Variants in SMIM31 observed in about 807,000 individuals in gnomAD.
SMIM31 encodes the protein small integral membrane protein 31.
At chr4:164,770,090 G>A (rs1207311084) in intron 1 of SMIM31, among the ~76,000 whole-genome samples, 4 of 152,136 alleles carry the variant, frequency 2.6e-5, no homozygotes, top group Non-Finnish European at 4.4e-5. Context: ...GCCTGGCCCC[G>A]TTTAAGTGCT....
At chr4:164,780,900 T>C (rs1732941112) in intron 2 of SMIM31, among the ~76,000 whole-genome samples, 1 of 152,142 alleles carries the variant, frequency 6.6e-6, no homozygotes, top group African/African-American at 2.4e-5. Context: ...AGCCTCAAAC[T>C]CCTGGGCTAA....
In SMIM31 at chr4:164,802,743, T is replaced by C. The variant is rs1324975715; in HGVS notation, c.*1549T>C. On this transcript the variant is annotated 3_prime_UTR_variant, in exon 3 of 3. Coordinates refer to ENST00000507311, the MANE Select transcript of SMIM31 (RefSeq NM_001352885.1). Reference sequence around the variant, plus strand: ...CCTTACTGCTCACTTTCAAGAAAGATTCAATAAAGATGGCTTTCTGCCATA... The same window carrying C: ...CCTTACTGCTCACTTTCAAGAAAGACTCAATAAAGATGGCTTTCTGCCATA... 1.3e-5 allele frequency: 2 copies of C among 152,262 alleles called. No homozygotes were observed. The highest frequency in any genetic ancestry group is 2.9e-5 in the Non-Finnish European group (2 of 68,058). The allele number at this position is 152,262 out of a possible 1,614,324, so 9.4% of individuals were successfully genotyped here. A position where few individuals can be genotyped will look rare whatever the true frequency, so the allele number is the denominator to read the frequency against.
chr4:164,773,604 T>C (rs1056603629), intron 2 of SMIM31, among the ~76,000 whole-genome samples: 6 of 152,130 alleles, frequency 3.9e-5, no homozygotes, highest in African/African-American at 1.4e-4. Context: ...ACTGCCCCCA[T>C]GATTCTATTA....
chr4:164,767,066 T>C lies in SMIM31; in HGVS notation c.-25-3353T>C, dbSNP rs576592872. On this transcript the variant is annotated intron_variant, in intron 1 of 2. Transcript: ENST00000507311. ...TCACACATGCTACCATCAGACGGGATGTGGGGTAGGTGATGGGGGCCTAGT... is the reference window on the plus strand; with the variant it reads ...TCACACATGCTACCATCAGACGGGACGTGGGGTAGGTGATGGGGGCCTAGT... Among the ~76,000 whole-genome samples, 78 of 152,182 alleles carry C rather than the reference T, an allele frequency of 5.1e-4. 1 individual carries two copies. Among genetic ancestry groups the C allele is most frequent in the African/African-American group, 1.9e-3 (78 of 41,496 alleles).
At chr4:164,793,547 A>G (rs1374353764) in intron 2 of SMIM31, among the ~76,000 whole-genome samples, 1 of 152,180 alleles carries the variant, frequency 6.6e-6, no homozygotes, top group African/African-American at 2.4e-5. Context: ...CTGGTCAAGT[A>G]GGTTTTATTC....
intron 2 of SMIM31, among the ~76,000 whole-genome samples, chr4:164,797,962 A>T (rs1431166896): frequency 6.6e-6 from 1 of 152,010 alleles, no homozygotes; most frequent in Admixed American, 6.6e-5. Flanking sequence ...ATTATCTCTC[A>T]CCTATAAGTG....
At chr4:164,771,274 C>T (rs533593786) in intron 2 of SMIM31, among the ~76,000 whole-genome samples, 17 of 152,266 alleles carry the variant, frequency 1.1e-4, no homozygotes, top group African/African-American at 3.9e-4. Context: ...TAATTGGAAT[C>T]CATAAAATCT....
intron 1 of SMIM31, among the ~76,000 whole-genome samples, chr4:164,758,801 ATTTTTTTTTTTTTTTTTTTTTTTTTTT>A (rs35632469): frequency 3.3e-5 from 2 of 60,908 alleles, no homozygotes; most frequent in African/African-American, 1.4e-4. Context: ...GCCCGGCCAA[ATTTTTTTTTTTTTTTTTTTTTTTTTTT>A]TTTTTTTTTT....
chr4:164,771,746 T>C (rs1579064722), intron 2 of SMIM31, among the ~76,000 whole-genome samples: 1 of 151,982 alleles, frequency 6.6e-6, no homozygotes, highest in African/African-American at 2.4e-5. Context: ...GAGGCGGAGG[T>C]TGCAGTAATC....
At chr4:164,766,288 T>C (rs976970190) in intron 1 of SMIM31, among the ~76,000 whole-genome samples, 2 of 152,166 alleles carry the variant, frequency 1.3e-5, no homozygotes, top group African/African-American at 4.8e-5. Context: ...AAATACATCT[T>C]CAATCCAGAG....
intron 2 of SMIM31, among the ~76,000 whole-genome samples, chr4:164,786,691 A>G (rs140449734): frequency 6.6e-6 from 1 of 152,300 alleles, no homozygotes; most frequent in African/African-American, 2.4e-5. Context: ...GCTAGTGGCA[A>G]GGCTTTATAG....
chr4:164,793,257 C>T (rs1051633076), intron 2 of SMIM31, among the ~76,000 whole-genome samples: 3 of 152,112 alleles, frequency 2.0e-5, no homozygotes, highest in African/African-American at 4.8e-5. Context: ...TTATTGAGCA[C>T]GAGGCTCACT....
In SMIM31 at chr4:164,754,667, G is replaced by A. The variant is rs143574261; in HGVS notation, c.-26+256G>A. ...GAATATTTTTCTTCTCTTTTGCTAT[G>A]TTTGGTTTATTTGTCCTAGTTTTGT... On this transcript the variant is annotated intron_variant, in intron 1 of 2. Coordinates refer to ENST00000507311, the MANE Select transcript of SMIM31 (RefSeq NM_001352885.1). Among the ~76,000 whole-genome samples the A allele has an allele frequency of 1.1e-3, 150 of 138,600 alleles. 1 individual carries two copies. Among genetic ancestry groups the A allele is most frequent in the African/African-American group, 4.0e-3 (147 of 37,032 alleles). 90.9% of individuals were successfully genotyped at this position (138,600 alleles called of 152,430 possible). A position where few individuals can be genotyped will look rare whatever the true frequency, so the allele number is the denominator to read the frequency against.
rs1004436594 is a variant in SMIM31 at position 164,758,068 on chromosome 4, C to T, written c.-26+3657C>T. Reference sequence around the variant, plus strand: ...CTCAATTTATTTAGATATTTTATTTCTCTCAGAAGTGTTTTGTAGTTTTAA... The same window carrying T: ...CTCAATTTATTTAGATATTTTATTTTTCTCAGAAGTGTTTTGTAGTTTTAA... On this transcript the variant is annotated intron_variant, in intron 1 of 2. Coordinates refer to ENST00000507311, the MANE Select transcript of SMIM31 (RefSeq NM_001352885.1). Among the ~76,000 whole-genome samples the T allele has an allele frequency of 2.4e-4, 36 of 150,886 alleles. 1 individual carries two copies. The highest frequency in any genetic ancestry group is 6.6e-5 in the Admixed American group (1 of 15,180).
chr4:164,767,579 G>T (rs1732736066), intron 1 of SMIM31, among the ~76,000 whole-genome samples: 1 of 152,202 alleles, frequency 6.6e-6, no homozygotes, highest in Admixed American at 6.5e-5. Context: ...AGAAATGCAG[G>T]CTGTACAACC....
intron 1 of SMIM31, among the ~76,000 whole-genome samples, chr4:164,763,378 T>C (rs1236745636): frequency 6.6e-6 from 1 of 152,164 alleles, no homozygotes; most frequent in East Asian, 1.9e-4. Flanking sequence ...ATTAAATAAA[T>C]TGAAAACTAA....
intron 1 of SMIM31, among the ~76,000 whole-genome samples, chr4:164,760,243 A>G (rs1732627885): frequency 6.6e-6 from 1 of 152,190 alleles, no homozygotes; most frequent in East Asian, 1.9e-4. Flanking sequence ...AGGAGCCATA[A>G]TAGAGTGTTG....
chr4:164,789,074 G>GA (rs112197275), intron 2 of SMIM31, among the ~76,000 whole-genome samples: 21 of 147,268 alleles, frequency 1.4e-4, no homozygotes, highest in South Asian at 2.2e-4. Flanking sequence ...TGTGATCTGG[G>GA]AAAAAAAAAA....
At chr4:164,794,114 C>T (rs779305405) in intron 2 of SMIM31, among the ~76,000 whole-genome samples, 46 of 152,274 alleles carry the variant, frequency 3.0e-4, no homozygotes, top group African/African-American at 1.0e-3. Context: ...CAGTGGCTCA[C>T]GTCTGTAACC....
Sources: gnomAD v4.1 joint callset for allele counts (sites outside exome capture counted in the v4.1 genomes callset) on GRCh38, gnomAD v4.1.1 for gene constraint, MANE v1.5 for transcripts, NCBI Gene and HGNC (gene_info 2026-07-23, HGNC 2026-07-21) for gene names.